Variants in OXR1 observed in about 807,000 individuals in gnomAD.
OXR1 encodes the protein oxidation resistance protein 1.
OXR1 carries 41 observed loss-of-function variants against 104.6 expected under a neutral mutation model. The ratio of observed to expected loss-of-function variants is 0.39; its 90% CI spans 0.31 to 0.51. The LOEUF is 0.51. OXR1 is among the 20% of genes least tolerant of loss of function. The pLI, the probability that OXR1 is intolerant of heterozygous loss-of-function variation, is 0.77. For synonymous variants in OXR1, 348 were observed against 348.4 expected, an observed-to-expected ratio of 1.00 and a Z score of 0.01; for missense variants, 955 against 1,031.9, an observed-to-expected ratio of 0.93 and a Z score of 1.02.
At chr8:106,540,283 A>G (rs1389691813) in intron 3 of OXR1, among the ~76,000 whole-genome samples, 1 of 152,226 alleles carries the variant, frequency 6.6e-6, no homozygotes, top group East Asian at 1.9e-4. Flanking sequence ...TGGGTTCCAT[A>G]GGTAAATCTA....
chr8:106,435,256 G>A (rs1819522627), intron 2 of OXR1, among the ~76,000 whole-genome samples: 2 of 152,162 alleles, frequency 1.3e-5, no homozygotes, highest in South Asian at 2.1e-4. Flanking sequence ...GAAGGGGGCC[G>A]TGGAGACTTG....
In OXR1 at chr8:106,280,757, TA is replaced by T. The variant is rs1048393481; in HGVS notation, c.-139+10398del. On this transcript the variant is annotated intron_variant, in intron 1 of 16. Transcript: ENST00000517566. ...GTAATATCGTGTATTTTACCACAAT[TA>T]AAAAAAATTAAACATGTAAAAAGTG... 5.3e-5 allele frequency among the ~76,000 whole-genome samples: 8 copies of T among 151,986 alleles called. No individual in the cohort carries two copies. The South Asian group carries it at 6.3e-4, about 12-fold the overall frequency.
chr8:106,469,383 A>G (rs942462253), intron 2 of OXR1, among the ~76,000 whole-genome samples: 6 of 151,814 alleles, frequency 4.0e-5, no homozygotes, highest in African/African-American at 7.2e-5. Context: ...CCTGGGCCAT[A>G]TGTCTACTTC....
chr8:106,558,592 G>A (rs1816453806), intron 3 of OXR1, among the ~76,000 whole-genome samples: 1 of 152,180 alleles, frequency 6.6e-6, no homozygotes, highest in African/African-American at 2.4e-5. Context: ...TCCTGTCCAG[G>A]TTGCCCCAAG....
intron 2 of OXR1, among the ~76,000 whole-genome samples, chr8:106,479,683 G>T (rs1313919382): frequency 1.3e-5 from 2 of 151,956 alleles, no homozygotes; most frequent in African/African-American, 4.8e-5. Flanking sequence ...ATTGACATAG[G>T]ATTTACATAA....
chr8:106,668,133 C>T (rs958219321), intron 3 of OXR1, among the ~76,000 whole-genome samples: 2 of 152,112 alleles, frequency 1.3e-5, no homozygotes, highest in African/African-American at 4.8e-5. Context: ...TTTACATTGT[C>T]CATGTTTGTA....
Position 106,661,468 on chromosome 8 carries a change from G to A in OXR1, c.221-17742G>A, listed in dbSNP as rs904036760. 3.9e-5 allele frequency among the ~76,000 whole-genome samples: 6 copies of A among 152,066 alleles called. 1 individual carries two copies. In the South Asian group the frequency reaches 1.2e-3, roughly 32 times the overall value. ...AATACAATGCTTGTTCCTGATTAAC[G>A]GGTACATTATGCTTTGATTTTAAAA... On this transcript the variant is annotated intron_variant, in intron 3 of 16. Coordinates refer to ENST00000517566, the MANE Select transcript of OXR1 (RefSeq NM_001198533.2).
intron 3 of OXR1, among the ~76,000 whole-genome samples, chr8:106,611,881 T>C (rs1306124051): frequency 2.0e-5 from 3 of 152,024 alleles, no homozygotes; most frequent in Non-Finnish European, 4.4e-5. Context: ...GTGGCCTAAA[T>C]AGACCAAATG....
intron 2 of OXR1, among the ~76,000 whole-genome samples, chr8:106,447,148 C>G (rs1820045048): frequency 6.6e-6 from 1 of 152,106 alleles, no homozygotes; most frequent in Admixed American, 6.5e-5. Flanking sequence ...TCTCTTATTT[C>G]TAAAATAAAT....
intron 3 of OXR1, among the ~76,000 whole-genome samples, chr8:106,567,036 G>A (rs536601870): frequency 1.2e-4 from 19 of 152,096 alleles, no homozygotes; most frequent in Admixed American, 2.6e-4. Context: ...AATAGGTGCC[G>A]CAAACCACCA....
chr8:106,357,551 C>G (rs943999775), intron 1 of OXR1, among the ~76,000 whole-genome samples: 2 of 151,922 alleles, frequency 1.3e-5, no homozygotes, highest in African/African-American at 4.8e-5. Flanking sequence ...CACTCATATG[C>G]GCTTGTATGC....
At chr8:106,330,232 C>G (rs954921455) in intron 1 of OXR1, among the ~76,000 whole-genome samples, 1 of 152,204 alleles carries the variant, frequency 6.6e-6, no homozygotes, top group Admixed American at 6.5e-5. Context: ...ACAAATACTG[C>G]TGGATGAGGA....
At chr8:106,524,180 C>T (rs1813477384) in intron 3 of OXR1, among the ~76,000 whole-genome samples, 1 of 152,144 alleles carries the variant, frequency 6.6e-6, no homozygotes, top group African/African-American at 2.4e-5. Flanking sequence ...ACAGCCCCTA[C>T]TTAAAGATAG....
intron 3 of OXR1, among the ~76,000 whole-genome samples, chr8:106,526,747 G>T (rs957381441): frequency 2.0e-5 from 3 of 152,188 alleles, no homozygotes; most frequent in Non-Finnish European, 4.4e-5. Context: ...TTTTCACTGT[G>T]TTAGCCAGGA....
intron 11 of OXR1, among the ~76,000 whole-genome samples, chr8:106,715,344 T>C (rs1832128602): frequency 6.6e-6 from 1 of 150,882 alleles, no homozygotes; most frequent in Non-Finnish European, 1.5e-5. Context: ...GTTCTGGGGA[T>C]GTTCTATATG....
intron 3 of OXR1, among the ~76,000 whole-genome samples, chr8:106,527,848 C>T (rs1422485291): frequency 1.3e-5 from 2 of 152,138 alleles, no homozygotes; most frequent in Non-Finnish European, 2.9e-5. Flanking sequence ...GCCAAGGGAA[C>T]AATCTAAGTA....
chr8:106,616,516 G>A (rs1309038502), intron 3 of OXR1, among the ~76,000 whole-genome samples: 1 of 152,024 alleles, frequency 6.6e-6, no homozygotes. Flanking sequence ...GAGAAGATTA[G>A]ACATCATGAA....
intron 3 of OXR1, among the ~76,000 whole-genome samples, chr8:106,582,836 G>A (rs988527056): frequency 1.3e-4 from 20 of 152,010 alleles, no homozygotes; most frequent in African/African-American, 4.1e-4. Context: ...TGTCTTATAC[G>A]TTTCAGGGAC....
chr8:106,429,239 C>G (rs180707741), intron 2 of OXR1, among the ~76,000 whole-genome samples: 2 of 152,236 alleles, frequency 1.3e-5, no homozygotes, highest in East Asian at 3.9e-4. Flanking sequence ...CAATCTGACT[C>G]TCTGCCCTCT....
Sources: allele counts gnomAD v4.1 joint callset (sites outside exome capture counted in the v4.1 genomes callset), GRCh38; gene constraint gnomAD v4.1.1; transcripts MANE v1.5; gene names NCBI Gene and HGNC (gene_info 2026-07-23, HGNC 2026-07-21).